NTNG1: variants seen among roughly 807,000 people sequenced by gnomAD.
NTNG1 encodes netrin-G1.
A neutral mutation model predicts 54.0 loss-of-function variants in NTNG1; 16 were observed. That is an observed-to-expected ratio of 0.30 (90% CI 0.20 to 0.45). The LOEUF (loss-of-function observed/expected upper bound fraction) is 0.45, where lower values mean the gene tolerates loss of function less well. NTNG1 is among the 20% of genes least tolerant of loss of function. The pLI is 1.00. For synonymous variants in NTNG1, 255 were observed against 263.1 expected (o/e 0.97, Z 0.30); for missense variants, 530 against 678.7 (o/e 0.78, Z 2.43).
chr1:107,153,790 A>G (rs1654767553), intron 2 of NTNG1, among the ~76,000 whole-genome samples: 1 of 152,038 alleles, frequency 6.6e-6, no homozygotes, highest in Non-Finnish European at 1.5e-5. Flanking sequence ...TCTCCAGGGG[A>G]CTATGGCTGG....
chr1:107,194,032 C>G (rs1379870806), intron 2 of NTNG1, among the ~76,000 whole-genome samples: 2 of 152,110 alleles, frequency 1.3e-5, no homozygotes, highest in East Asian at 3.9e-4. Context: ...TCCTTCTCAT[C>G]ACTTCCAACT....
At chr1:107,155,919 C>T (rs1370230985) in intron 2 of NTNG1, among the ~76,000 whole-genome samples, 1 of 152,112 alleles carries the variant, frequency 6.6e-6, no homozygotes, top group East Asian at 1.9e-4. Flanking sequence ...TACTTAACAT[C>T]ATGTTATAGT....
chr1:107,334,894 T>C (rs1350202090), intron 3 of NTNG1, among the ~76,000 whole-genome samples: 2 of 152,008 alleles, frequency 1.3e-5, no homozygotes, highest in African/African-American at 2.4e-5. Context: ...CCATTAGGTA[T>C]GCTATGGCCA....
At chr1:107,259,299 G>T (rs1663139686) in intron 2 of NTNG1, among the ~76,000 whole-genome samples, 1 of 151,866 alleles carries the variant, frequency 6.6e-6, no homozygotes, top group Non-Finnish European at 1.5e-5. Flanking sequence ...ACACTAAAGT[G>T]CCCACTAGAT....
At chr1:107,314,146 T>C (rs1173557211) in intron 2 of NTNG1, among the ~76,000 whole-genome samples, 1 of 152,170 alleles carries the variant, frequency 6.6e-6, no homozygotes, top group Non-Finnish European at 1.5e-5. Context: ...GGCTCATGCC[T>C]GTAATCCCAG....
At chr1:107,463,800 T>C (rs1571017766) in intron 7 of NTNG1, among the ~76,000 whole-genome samples, 1 of 152,110 alleles carries the variant, frequency 6.6e-6, no homozygotes, top group Admixed American at 6.5e-5. Flanking sequence ...TAAATTATAG[T>C]CCTTATTTCT....
intron 2 of NTNG1, among the ~76,000 whole-genome samples, chr1:107,157,177 T>C (rs1655064613): frequency 6.6e-6 from 1 of 152,224 alleles, no homozygotes; most frequent in African/African-American, 2.4e-5. Context: ...AAATTATATG[T>C]AGCATTGTTT....
rs143648296 is a variant in NTNG1, at chr1:107,248,086, A to G, written c.247-76196A>G. 2.6e-5 allele frequency among the ~76,000 whole-genome samples: 4 copies of G among 152,306 alleles called. No homozygotes were observed. In the East Asian group the frequency reaches 7.7e-4, roughly 29 times the overall value. ...ATTTTTTAGCAATCCTACTGCCAAC[A>G]TGCCATTCTATTTAAATGGAAAATG... On this transcript the variant is annotated intron_variant, in intron 2 of 7. Coordinates refer to ENST00000370068, the MANE Select transcript of NTNG1 (RefSeq NM_001113226.3).
At chr1:107,189,728 A>AAT (rs1657760841) in intron 2 of NTNG1, among the ~76,000 whole-genome samples, 1 of 152,032 alleles carries the variant, frequency 6.6e-6, no homozygotes, top group Non-Finnish European at 1.5e-5. Flanking sequence ...CTGGACGACA[A>AAT]ATAGTTCTAG....
At chr1:107,463,912 T>TG (rs1677436893) in intron 7 of NTNG1, among the ~76,000 whole-genome samples, 1 of 152,188 alleles carries the variant, frequency 6.6e-6, no homozygotes, top group Non-Finnish European at 1.5e-5. Context: ...TTGGTGGATT[T>TG]GGGGGGTTTG....
At chr1:107,274,567 G>A (rs923299537) in intron 2 of NTNG1, among the ~76,000 whole-genome samples, 7 of 152,196 alleles carry the variant, frequency 4.6e-5, no homozygotes, top group African/African-American at 1.7e-4. Flanking sequence ...CACCCAGCCA[G>A]TATAAGGGAT....
intron 2 of NTNG1, among the ~76,000 whole-genome samples, chr1:107,179,069 C>G (rs932768808): frequency 6.6e-6 from 1 of 152,166 alleles, no homozygotes; most frequent in Non-Finnish European, 1.5e-5. Context: ...GCCCTGCCCT[C>G]CCCACAAAGA....
chr1:107,434,938 G>A (rs1362059651), intron 6 of NTNG1, among the ~76,000 whole-genome samples: 1 of 152,114 alleles, frequency 6.6e-6, no homozygotes. Context: ...TTTCATGACT[G>A]CAAAACATTA....
intron 7 of NTNG1, among the ~76,000 whole-genome samples, chr1:107,459,995 T>C (rs183519285): frequency 5.7e-4 from 87 of 152,160 alleles, no homozygotes; most frequent in Middle Eastern, 3.4e-3. Context: ...TGTGGCTCTC[T>C]TTTTTTTCGC....
intron 1 of NTNG1, chr1:107,141,443 G>C (rs1254954933): frequency 6.6e-6 from 1 of 150,626 alleles, no homozygotes; most frequent in East Asian, 2.0e-4. Context: ...CCGGCGCAAG[G>C]GCAAACGAGC....
rs1674406333 is a variant in NTNG1, at chr1:107,419,049, G to A, written c.1087+11341G>A. Reference sequence around the variant, plus strand: ...TACTGAGGGTCTGGGTAAATACATAGAGGTAGTATTGTGACACCTAACAGA... The same window carrying A: ...TACTGAGGGTCTGGGTAAATACATAAAGGTAGTATTGTGACACCTAACAGA... On this transcript the variant is annotated intron_variant, in intron 5 of 7. Transcript: ENST00000370068. Among the ~76,000 whole-genome samples the A allele has an allele frequency of 2.0e-5, 3 of 151,960 alleles. No individual in the cohort carries two copies. The South Asian group carries it at 6.2e-4, about 31-fold the overall frequency.
chr1:107,426,188 T>A lies in NTNG1; in HGVS notation c.1088-4562T>A, dbSNP rs114487696. Among the ~76,000 whole-genome samples the A allele has an allele frequency of 5.7e-3, 872 of 152,088 alleles. 12 individuals are homozygous for A. Among genetic ancestry groups the A allele is most frequent in the African/African-American group, 0.02 (833 of 41,558 alleles). The stretch of plus-strand genomic sequence containing the variant: ...AAGCTTTTTAGTTTAAGTCCCATTT[T>A]ATTATTTTTGTTTTTGTTGTATTTG... On this transcript the variant is annotated intron_variant, in intron 5 of 7. Coordinates refer to ENST00000370068, the MANE Select transcript of NTNG1 (RefSeq NM_001113226.3).
chr1:107,483,625 G>C lies in NTNG1; in HGVS notation c.*2785G>C, dbSNP rs1215549735. Among the ~76,000 whole-genome samples the C allele has an allele frequency of 6.6e-6, 1 of 152,194 alleles. No individual in the cohort carries two copies. Among genetic ancestry groups the C allele is most frequent in the Non-Finnish European group, 1.5e-5 (1 of 68,042 alleles). Reference sequence around the variant, plus strand: ...CTACAATGTTGTGCCCTAAGAACAGGACTGGGGTGAAAAGCGGGTACTCAG... The same window carrying C: ...CTACAATGTTGTGCCCTAAGAACAGCACTGGGGTGAAAAGCGGGTACTCAG... On this transcript the variant is annotated 3_prime_UTR_variant, in exon 8 of 8. Coordinates refer to ENST00000370068, the MANE Select transcript of NTNG1 (RefSeq NM_001113226.3).
chr1:107,342,454 C>G (rs1240658992), intron 3 of NTNG1, among the ~76,000 whole-genome samples: 2 of 152,120 alleles, frequency 1.3e-5, no homozygotes, highest in East Asian at 3.9e-4. Flanking sequence ...TGTCTTTGCA[C>G]TCAACTAATT....
Sources: allele counts gnomAD v4.1 joint callset (sites outside exome capture counted in the v4.1 genomes callset), GRCh38; gene constraint gnomAD v4.1.1; transcripts MANE v1.5; gene names NCBI Gene and HGNC (gene_info 2026-07-23, HGNC 2026-07-21).